The following ZFAND1 variants were observed in gnomAD, a reference collection of about 807,000 sequenced individuals.
ZFAND1 encodes AN1-type zinc finger protein 1.
In ZFAND1, 40 loss-of-function variants were observed where a neutral mutation model predicts 38.5. The observed-to-expected ratio is 1.04, with a 90% CI of 0.81 to 1.35. The LOEUF (loss-of-function observed/expected upper bound fraction) is 1.35. ZFAND1 is among the 40% of genes most tolerant of loss of function. The pLI, the probability that ZFAND1 is intolerant of heterozygous loss-of-function variation, is 0.00. For missense variants in ZFAND1, 346 were observed against 316.3 expected (o/e 1.09, Z -0.71); for synonymous variants, 117 against 103.6 (o/e 1.13, Z -0.78).
chr8:81,720,411 C>G (rs2130445929), intron 1 of ZFAND1, among the ~76,000 whole-genome samples: 1 of 152,198 alleles, frequency 6.6e-6, no homozygotes, highest in Admixed American at 6.5e-5. Flanking sequence ...GTAGTTTACA[C>G]CCTTATGTGG....
At chr8:81,717,113 A>G in intron 3 of ZFAND1, 136 bp downstream of exon 3, 1 of 597,518 alleles carries the variant, frequency 1.7e-6, no homozygotes, top group Non-Finnish European at 2.8e-6. Flanking sequence ...AAATGAAGCA[A>G]AAGCCTCTTT....
chr8:81,708,821 A>G, intron 6 of ZFAND1: 1 of 1,262,790 alleles, frequency 7.9e-7, no homozygotes, highest in Non-Finnish European at 1.0e-6. Context: ...TTCACTCCAG[A>G]TTACTCATCT....
At chr8:81,713,822 GT>G in intron 6 of ZFAND1, 95 bp downstream of exon 6, 2 of 1,221,386 alleles carry the variant, frequency 1.6e-6, no homozygotes, top group Non-Finnish European at 2.4e-6. Flanking sequence ...TACATACCAG[GT>G]TTAGGTTAGT....
At chr8:81,718,550 G>A (rs866441737) in intron 1 of ZFAND1, among the ~76,000 whole-genome samples, 6 of 151,394 alleles carry the variant, frequency 4.0e-5, no homozygotes, top group Admixed American at 6.6e-5. Flanking sequence ...CAAAAATTCC[G>A]CATTTGGAGT....
intron 1 of ZFAND1, chr8:81,720,908 G>T: frequency 2.2e-6 from 1 of 455,362 alleles, no homozygotes; most frequent in Non-Finnish European, 3.9e-6. Flanking sequence ...CATTTCAAAA[G>T]CTCACGGCCA....
intron 6 of ZFAND1, among the ~76,000 whole-genome samples, chr8:81,704,878 A>G (rs1399632109): frequency 1.3e-5 from 2 of 152,220 alleles, no homozygotes; most frequent in African/African-American, 4.8e-5. Context: ...CTATAATCAA[A>G]TATTACCTGC....
Position 81,714,104 on chromosome 8 carries a change from C to T in ZFAND1, c.359-65G>A, listed in dbSNP as rs78082659. 1,319 of 1,415,516 alleles carry T rather than the reference C, an allele frequency of 9.3e-4. 10 individuals carry two copies. In the Admixed American group the frequency reaches 0.018, roughly 19 times the overall value. The allele number at this position is 1,415,516 out of a possible 1,614,324, so 87.7% of individuals were successfully genotyped here. On this transcript the variant is annotated intron_variant, in intron 5 of 7. Transcript: ENST00000220669. ...TTACAAATAGAATTTTATTATAATA[C>T]ACTTATTAATTATGGCTCAGAAACA...
At chr8:81,710,510 A>G (rs1265035814) in intron 6 of ZFAND1, among the ~76,000 whole-genome samples, 2 of 152,156 alleles carry the variant, frequency 1.3e-5, no homozygotes, top group African/African-American at 4.8e-5. Flanking sequence ...GATGGAAGAA[A>G]TATGTTCAAA....
intron 6 of ZFAND1, among the ~76,000 whole-genome samples, chr8:81,707,802 T>G (rs1808026283): frequency 6.6e-6 from 1 of 152,146 alleles, no homozygotes; most frequent in African/African-American, 2.4e-5. Flanking sequence ...CAACTTTTCA[T>G]GAAGGTGGTA....
In ZFAND1 at chr8:81,702,860, T is replaced by C. The variant is rs1414639221; in HGVS notation, c.642A>G (p.Leu214=). The C allele has an allele frequency of 6.3e-7, 1 of 1,584,318 alleles. No homozygotes were observed. The highest frequency in any genetic ancestry group is 2.3e-5 in the East Asian group (1 of 44,020). ...CTCCTGAAGTAATGTGACACAGCCT[T>C]AATTTCTGTGAAGGGAGAAGTAAGT... ...NDNNKFTAKK[L]RLCHITSGEA... Residue 214 remains leucine, a synonymous_variant, in exon 8 of 8, where the codon TTA becomes TTG. Coordinates refer to ENST00000220669, the MANE Select transcript of ZFAND1 (RefSeq NM_024699.3).
At position 81,705,787 on chromosome 8, in the gene ZFAND1, C is replaced by T. The variant is rs533077536; in HGVS notation, c.481-2663G>A. Among the ~76,000 whole-genome samples, 3 of 152,276 alleles carry T rather than the reference C, an allele frequency of 2.0e-5. No homozygotes were observed. In the South Asian group the frequency reaches 6.2e-4, roughly 32 times the overall value. On this transcript the variant is annotated intron_variant, in intron 6 of 7. Coordinates refer to ENST00000220669, the MANE Select transcript of ZFAND1 (RefSeq NM_024699.3). ...TACAAAAATTAGCCAGGTGTGGGGG[C>T]ACGCGCCTGTAGTCCCAGCTACTCA...
intron 6 of ZFAND1, among the ~76,000 whole-genome samples, chr8:81,713,506 T>C (rs954309443): frequency 6.6e-6 from 1 of 152,152 alleles, no homozygotes; most frequent in Non-Finnish European, 1.5e-5. Context: ...TATATATATA[T>C]ATTGGGTTGT....
At chr8:81,716,001 T>C (rs777348260) in intron 3 of ZFAND1, among the ~76,000 whole-genome samples, 2 of 152,248 alleles carry the variant, frequency 1.3e-5, no homozygotes, top group Non-Finnish European at 2.9e-5. Context: ...CAATTAATGC[T>C]GCATAAAATC....
intron 5 of ZFAND1, 59 bp downstream of exon 5, chr8:81,714,745 A>AT: frequency 6.8e-7 from 1 of 1,462,950 alleles, no homozygotes; most frequent in Non-Finnish European, 9.6e-7. Context: ...GAAAGTAGAT[A>AT]TAAGAAGCAG....
In ZFAND1 at chr8:81,702,657, A is replaced by G. The variant is rs776640839; in HGVS notation, c.*38T>C. On this transcript the variant is annotated 3_prime_UTR_variant, in exon 8 of 8. Transcript: ENST00000220669. ...ATAAATGGACTTAAACATGTAATAG[A>G]ATTTTCCCTGTGATTTCTGACTTGA... The G allele has an allele frequency of 1.3e-5, 18 of 1,390,080 alleles. No individual in the cohort carries two copies. The highest frequency in any genetic ancestry group is 1.5e-5 in the Non-Finnish European group (16 of 1,060,152). The allele number at this position is 1,390,080 out of a possible 1,614,324, so 86.1% of individuals were successfully genotyped here.
chr8:81,704,502 G>A (rs1807914401), intron 6 of ZFAND1, among the ~76,000 whole-genome samples: 1 of 138,716 alleles, frequency 7.2e-6, no homozygotes, highest in African/African-American at 2.7e-5. Context: ...ACATACTACT[G>A]TACTCCAGCC....
In ZFAND1 at chr8:81,721,290, C is replaced by A. The variant is rs1268194082; in HGVS notation, c.-9G>T. ...ATGTCCAACTCCGCCATCTCTCCGG[C>A]GCCGTAAGGGGCGGGGCAAAGCCTG... is the stretch of plus-strand genomic sequence containing the variant. On this transcript the variant is annotated 5_prime_UTR_variant, in exon 1 of 8. Coordinates refer to ENST00000220669, the MANE Select transcript of ZFAND1 (RefSeq NM_024699.3). The A allele has an allele frequency of 6.5e-7, 1 of 1,548,136 alleles. No homozygotes were observed. Among genetic ancestry groups the A allele is most frequent in the Non-Finnish European group, 8.7e-7 (1 of 1,146,938 alleles).
Position 81,702,681 on chromosome 8 carries a change from G to T in ZFAND1, c.*14C>A. 1 of 1,446,726 alleles carries T rather than the reference G, an allele frequency of 6.9e-7. No individual in the cohort carries two copies. Among genetic ancestry groups the T allele is most frequent in the Non-Finnish European group, 9.1e-7 (1 of 1,093,992 alleles). 89.6% of individuals were successfully genotyped at this position (1,446,726 alleles called of 1,614,324 possible). A position where few individuals can be genotyped will look rare whatever the true frequency, so the allele number is the denominator to read the frequency against. The stretch of plus-strand genomic sequence containing the variant: ...GAATTTTCCCTGTGATTTCTGACTT[G>T]AATCTTTGAATGACTATTCCAAGTA... On this transcript the variant is annotated 3_prime_UTR_variant, in exon 8 of 8. Coordinates refer to ENST00000220669, the MANE Select transcript of ZFAND1 (RefSeq NM_024699.3).
chr8:81,712,907 A>G (rs1808180408), intron 6 of ZFAND1, among the ~76,000 whole-genome samples: 1 of 152,206 alleles, frequency 6.6e-6, no homozygotes, highest in Non-Finnish European at 1.5e-5. Flanking sequence ...TGTTGGAAGC[A>G]CTAACAGAAA....
Sources: gnomAD v4.1 joint callset for allele counts (sites outside exome capture counted in the v4.1 genomes callset) on GRCh38, gnomAD v4.1.1 for gene constraint, MANE v1.5 for transcripts, NCBI Gene and HGNC (gene_info 2026-07-23, HGNC 2026-07-21) for gene names.